The following VAV2 variants were observed in gnomAD, a reference collection of about 807,000 sequenced individuals.
VAV2 encodes the protein vav guanine nucleotide exchange factor 2.
A neutral mutation model predicts 132.5 loss-of-function variants in VAV2; 67 were observed. That is an observed-to-expected ratio of 0.51 (90% CI 0.42 to 0.62). VAV2 has a LOEUF of 0.62. Ranked by LOEUF, VAV2 falls within the 20% of genes least tolerant of loss-of-function variation. VAV2 has a pLI of 0.00. For missense variants in VAV2, 938 were observed against 1,153.6 expected (o/e 0.81, Z 2.71); for synonymous variants, 492 against 443.5 (o/e 1.11, Z -1.37).
chr9:133,953,418 C>T (rs889543457), intron 1 of VAV2, among the ~76,000 whole-genome samples: 2 of 152,242 alleles, frequency 1.3e-5, no homozygotes, highest in African/African-American at 4.8e-5. Flanking sequence ...GTTTCTTCCA[C>T]CCTTTGTTCC....
At chr9:133,951,128 G>C (rs915103574) in intron 1 of VAV2, among the ~76,000 whole-genome samples, 5 of 152,186 alleles carry the variant, frequency 3.3e-5, no homozygotes, top group Admixed American at 6.5e-5. Context: ...CCCAAGCAGG[G>C]GGGTAAAACT....
Position 133,770,359 on chromosome 9 carries a change from G to A in VAV2, c.2347+19C>T, listed in dbSNP as rs377035593. On this transcript the variant is annotated intron_variant, in intron 27 of 29. Transcript: ENST00000371850. Reference sequence around the variant, plus strand: ...CCCCTCCGAGGAGTGCTGGTGTGCCGGCTGGGCCGGGGCGTTACCTGGGGA... The same window carrying A: ...CCCCTCCGAGGAGTGCTGGTGTGCCAGCTGGGCCGGGGCGTTACCTGGGGA... The A allele has an allele frequency of 1.1e-4, 175 of 1,613,458 alleles. No individual in the cohort carries two copies. The highest frequency in any genetic ancestry group is 1.4e-4 in the Non-Finnish European group (164 of 1,179,760).
chr9:133,870,951 G>A (rs1451371832), intron 2 of VAV2, among the ~76,000 whole-genome samples: 7 of 137,504 alleles, frequency 5.1e-5, no homozygotes, highest in Admixed American at 2.2e-4. Context: ...TGGGCAGATG[G>A]GTAGACGGGT....
intron 2 of VAV2, among the ~76,000 whole-genome samples, chr9:133,896,561 T>G (rs1452811189): frequency 6.6e-6 from 1 of 152,172 alleles, no homozygotes; most frequent in Admixed American, 6.5e-5. Flanking sequence ...CTAGGCAACT[T>G]TCGTCATTGG....
intron 1 of VAV2, among the ~76,000 whole-genome samples, chr9:133,966,383 C>T (rs978470627): frequency 3.3e-5 from 5 of 152,206 alleles, no homozygotes; most frequent in Admixed American, 3.3e-4. Context: ...AACTATTCAT[C>T]CGACAAGGGA....
At chr9:133,970,906 T>C (rs1381505824) in intron 1 of VAV2, among the ~76,000 whole-genome samples, 1 of 152,222 alleles carries the variant, frequency 6.6e-6, no homozygotes, top group Non-Finnish European at 1.5e-5. Context: ...AGCAGCTAAA[T>C]TACCACAAAA....
At chr9:133,915,852 C>T (rs544203188) in intron 2 of VAV2, among the ~76,000 whole-genome samples, 3 of 148,326 alleles carry the variant, frequency 2.0e-5, no homozygotes, top group East Asian at 2.0e-4. Flanking sequence ...AACGCACACA[C>T]ACACGATGTA....
intron 1 of VAV2, among the ~76,000 whole-genome samples, chr9:133,946,083 G>A (rs938972451): frequency 3.9e-5 from 6 of 152,222 alleles, no homozygotes; most frequent in Non-Finnish European, 8.8e-5. Flanking sequence ...CTGGCAGGGG[G>A]GTTGGGGTGC....
intron 24 of VAV2, among the ~76,000 whole-genome samples, chr9:133,775,418 T>C (rs940928706): frequency 2.0e-5 from 3 of 152,244 alleles, no homozygotes; most frequent in Non-Finnish European, 4.4e-5. Context: ...TCCTAAAATA[T>C]ATTTTCACTA....
intron 1 of VAV2, among the ~76,000 whole-genome samples, chr9:133,979,343 G>A (rs961434074): frequency 5.3e-5 from 8 of 152,200 alleles, no homozygotes; most frequent in African/African-American, 1.9e-4. Flanking sequence ...TCTGAACGCG[G>A]CTGTCAGAGG....
Position 133,885,157 on chromosome 9 carries a change from A to G in VAV2, c.322-23725T>C, listed in dbSNP as rs1432281532. Among the ~76,000 whole-genome samples the G allele has an allele frequency of 1.3e-5, 2 of 152,212 alleles. No homozygotes were observed. Among genetic ancestry groups the G allele is most frequent in the African/African-American group, 4.8e-5 (2 of 41,454 alleles). ...AAAATGCATGAATCTTCTCTGAACCAGTGACTTCATTTGCTCCAGTGTCCT... is the reference window on the plus strand; with the variant it reads ...AAAATGCATGAATCTTCTCTGAACCGGTGACTTCATTTGCTCCAGTGTCCT... On this transcript the variant is annotated intron_variant, in intron 2 of 29. Coordinates refer to ENST00000371850, the MANE Select transcript of VAV2 (RefSeq NM_001134398.2). This position sits in a 1 kb window ranked among gnomAD's most constrained non-coding sequence, Gnocchi z 5.0.
rs1257345946 is a variant in VAV2, at chr9:133,826,769, T to C, written c.449+7503A>G. The stretch of plus-strand genomic sequence containing the variant: ...TTCTCCCGTGTCCCTTCAATTCCCC[T>C]AAGAATTCTCGGGGACCTCTGACCT... On this transcript the variant is annotated intron_variant, in intron 4 of 29. Coordinates refer to ENST00000371850, the MANE Select transcript of VAV2 (RefSeq NM_001134398.2). The surrounding 1 kb of genome is among the most constrained non-coding windows in gnomAD (Gnocchi z 4.2). Among the ~76,000 whole-genome samples the C allele has an allele frequency of 2.0e-5, 3 of 152,054 alleles. No individual in the cohort carries two copies. The highest frequency in any genetic ancestry group is 7.2e-5 in the African/African-American group (3 of 41,402).
At chr9:133,800,023 G>A (rs1462170438) in intron 9 of VAV2, among the ~76,000 whole-genome samples, 1 of 152,226 alleles carries the variant, frequency 6.6e-6, no homozygotes, top group Non-Finnish European at 1.5e-5. Context: ...GACCTGGGCT[G>A]GAAGCTCTGG....
At chr9:133,871,239 G>C (rs566239119) in intron 2 of VAV2, among the ~76,000 whole-genome samples, 1 of 109,302 alleles carries the variant, frequency 9.1e-6, no homozygotes, top group South Asian at 2.8e-4. Flanking sequence ...TGGGTGGGCA[G>C]ATGGATGGAT....
intron 1 of VAV2, among the ~76,000 whole-genome samples, chr9:133,950,220 T>C (rs7864124): frequency 0.011 from 1,606 of 152,298 alleles, 28 homozygotes; most frequent in African/African-American, 0.037. Context: ...GTCAAGTCCT[T>C]CCTCAGCAGC....
At position 133,918,222 on chromosome 9, in the gene VAV2, G is replaced by A. The variant is rs1284756466; in HGVS notation, c.321+20881C>T. ...GGGAAACCGTCGGAAATGCTAAAGA[G>A]GACTCGGTGCCTCCAGCTCGGCTAG... On this transcript the variant is annotated intron_variant, in intron 2 of 29. Transcript: ENST00000371850. The surrounding 1 kb of genome is among the most constrained non-coding windows in gnomAD (Gnocchi z 4.7). Among the ~76,000 whole-genome samples, 2 of 152,192 alleles carry A rather than the reference G, an allele frequency of 1.3e-5. No homozygotes were observed. Among genetic ancestry groups the A allele is most frequent in the East Asian group, 3.8e-4 (2 of 5,198 alleles).
chr9:133,871,476 G>GGAGAAGCA (rs1288260276), intron 2 of VAV2, among the ~76,000 whole-genome samples: 2 of 97,796 alleles, frequency 2.0e-5, no homozygotes, highest in Admixed American at 9.5e-5. Flanking sequence ...GCGGATGGAT[G>GGAGAAGCA]GATGGATGGA....
At chr9:133,987,931 C>G (rs1588233029) in intron 1 of VAV2, among the ~76,000 whole-genome samples, 1 of 152,206 alleles carries the variant, frequency 6.6e-6, no homozygotes, top group African/African-American at 2.4e-5. Flanking sequence ...TCTCTGTGAC[C>G]ACCTCCTAGC....
chr9:133,839,494 G>A (rs1384578920), intron 3 of VAV2, among the ~76,000 whole-genome samples: 5 of 145,858 alleles, frequency 3.4e-5, no homozygotes, highest in Middle Eastern at 3.3e-3. Context: ...ACTGTCACCC[G>A]GGCTGGAGTG....
Sources: allele counts gnomAD v4.1 joint callset (sites outside exome capture counted in the v4.1 genomes callset), GRCh38; gene constraint gnomAD v4.1.1; non-coding constraint Gnocchi (gnomAD v3.1); transcripts MANE v1.5; gene names NCBI Gene and HGNC (gene_info 2026-07-23, HGNC 2026-07-21).